CLDN18: variants seen among roughly 807,000 people sequenced by gnomAD.
CLDN18 encodes claudin 18, also known as claudin-18.
A neutral mutation model predicts 25.0 loss-of-function variants in CLDN18; 20 were observed. That is an observed-to-expected ratio of 0.80 (90% CI 0.56 to 1.16). CLDN18 has a LOEUF of 1.16. Ranked by LOEUF, CLDN18 falls within the 50% of genes most tolerant of loss-of-function variation. CLDN18 has a pLI of 0.00. For missense variants in CLDN18, 297 were observed against 345.4 expected (o/e 0.86, Z 1.11); for synonymous variants, 125 against 135.6 (o/e 0.92, Z 0.54).
upstream of CLDN18, among the ~76,000 whole-genome samples, chr3:138,009,273 C>A (rs191383071): frequency 3.0e-4 from 46 of 152,342 alleles, no homozygotes; most frequent in Admixed American, 2.9e-3. Flanking sequence ...GGAGCAGATC[C>A]TAAGCCTCTC....
chr3:137,999,359 G>A (rs1941991216), intron 1 of CLDN18, among the ~76,000 whole-genome samples: 1 of 152,166 alleles, frequency 6.6e-6, no homozygotes, highest in Non-Finnish European at 1.5e-5. Flanking sequence ...ACTCCTATGT[G>A]AGCAATGGCA....
intron 1 of CLDN18, among the ~76,000 whole-genome samples, chr3:138,000,527 G>T (rs1018538454): frequency 6.6e-6 from 1 of 151,496 alleles, no homozygotes; most frequent in African/African-American, 2.5e-5. Context: ...TGAGAGGTTG[G>T]TTGTTTGGTT....
At position 138,023,723 on chromosome 3, in the gene CLDN18, G is replaced by T. The variant is rs1445818415; in HGVS notation, c.286G>T (p.Val96Leu). ...GIVLGAIGLL[V>L]SIFALKCIRI... ...CGTCCTGGGTGCCATTGGCCTCCTGGTATCCATCTTTGCCCTGAAATGCAT... is the reference window on the plus strand; with the variant it reads ...CGTCCTGGGTGCCATTGGCCTCCTGTTATCCATCTTTGCCCTGAAATGCAT... The change falls in exon 2 of 5, where the codon GTA becomes TTA. Residue 96 changes from valine (V) to leucine (L), a missense_variant. Transcript: ENST00000183605. The T allele has an allele frequency of 1.2e-6, 2 of 1,614,056 alleles. 1 individual carries two copies. The highest frequency in any genetic ancestry group is 2.2e-5 in the South Asian group (2 of 91,074).
chr3:138,004,769 A>C (rs1176161680), intron 1 of CLDN18: 1 of 150,976 alleles, frequency 6.6e-6, no homozygotes, highest in Non-Finnish European at 1.5e-5. Context: ...GATTAATTAA[A>C]TATTTAAAAA....
intron 1 of CLDN18, among the ~76,000 whole-genome samples, chr3:138,003,615 T>C (rs942874183): frequency 6.6e-6 from 1 of 151,998 alleles, no homozygotes; most frequent in Non-Finnish European, 1.5e-5. Flanking sequence ...ATGAAAGAAG[T>C]TTTACTAACA....
chr3:138,030,045 C>A, intron 4 of CLDN18, 138 bp downstream of exon 4: 1 of 642,230 alleles, frequency 1.6e-6, no homozygotes, highest in Non-Finnish European at 2.8e-6. Flanking sequence ...CGAAGCTTCT[C>A]TTTTAGGGGG....
chr3:138,027,839 G>A (rs565413986), intron 3 of CLDN18, among the ~76,000 whole-genome samples: 53 of 152,168 alleles, frequency 3.5e-4, no homozygotes, highest in Non-Finnish European at 5.6e-4. Context: ...GAAAAGATCC[G>A]CTGTTCAGCT....
chr3:138,010,496 A>G, intron 1 of CLDN18, 51 bp downstream of exon 1: 1 of 1,605,948 alleles, frequency 6.2e-7, no homozygotes, highest in Non-Finnish European at 8.5e-7. Flanking sequence ...GTGAGCAGGG[A>G]AGGGGGCGTT....
chr3:138,004,694 A>T (rs534967323), intron 1 of CLDN18: 1 of 152,006 alleles, frequency 6.6e-6, no homozygotes, highest in African/African-American at 2.4e-5. Context: ...GAAGTCATTG[A>T]CTAGCTTTTT....
At chr3:138,025,643 T>C (rs1053997541) in intron 3 of CLDN18, among the ~76,000 whole-genome samples, 2 of 152,144 alleles carry the variant, frequency 1.3e-5, no homozygotes, top group Non-Finnish European at 2.9e-5. Context: ...AAGGAAATGA[T>C]CCCCAAAAAC....
chr3:138,010,470 G>A, intron 1 of CLDN18, 25 bp downstream of exon 1: 1 of 1,612,308 alleles, frequency 6.2e-7, no homozygotes, highest in South Asian at 1.1e-5. Context: ...CCCCGGGGTA[G>A]AGCCAGGTGA....
chr3:138,002,821 G>A (rs1190460239), intron 1 of CLDN18, among the ~76,000 whole-genome samples: 1 of 152,134 alleles, frequency 6.6e-6, no homozygotes, highest in Non-Finnish European at 1.5e-5. Context: ...TGGGCTGATT[G>A]GGTTTAGACA....
chr3:138,004,304 G>A (rs1942046027), intron 1 of CLDN18, among the ~76,000 whole-genome samples: 1 of 152,232 alleles, frequency 6.6e-6, no homozygotes, highest in South Asian at 2.1e-4. Context: ...CACTGTGGTA[G>A]TAAATGGCAG....
intron 1 of CLDN18, among the ~76,000 whole-genome samples, chr3:138,016,852 G>A (rs1479168320): frequency 2.6e-5 from 4 of 152,134 alleles, no homozygotes; most frequent in Admixed American, 6.5e-5. Context: ...TCAGGATTTC[G>A]AGACCAGCCT....
intron 3 of CLDN18, among the ~76,000 whole-genome samples, chr3:138,026,570 G>C (rs1942329860): frequency 6.6e-6 from 1 of 152,086 alleles, no homozygotes; most frequent in South Asian, 2.1e-4. Context: ...ACTTGAACCT[G>C]GAAGGCAGAG....
intron 1 of CLDN18, among the ~76,000 whole-genome samples, chr3:138,021,533 GC>G (rs1433450861): frequency 6.6e-6 from 1 of 152,140 alleles, no homozygotes; most frequent in Non-Finnish European, 1.5e-5. Context: ...CCACCAGGAT[GC>G]TAAAGGTGGC....
chr3:138,012,772 T>C (rs1326433739), intron 1 of CLDN18, among the ~76,000 whole-genome samples: 1 of 152,172 alleles, frequency 6.6e-6, no homozygotes, highest in Non-Finnish European at 1.5e-5. Flanking sequence ...GCACCGTAAA[T>C]TCCAGCAGAG....
intron 1 of CLDN18, among the ~76,000 whole-genome samples, chr3:138,020,951 T>C (rs1308793232): frequency 6.6e-6 from 1 of 152,206 alleles, no homozygotes; most frequent in East Asian, 1.9e-4. Context: ...TTTGAGGCAA[T>C]TTTGGATTTG....
At chr3:138,010,021 G>A (rs1287263819), upstream of CLDN18, 11 of 849,774 alleles carry the variant, frequency 1.3e-5, no homozygotes, top group South Asian at 1.8e-5. Flanking sequence ...TGCCTCTTGG[G>A]CCCGCTTCTC....
Sources: allele counts gnomAD v4.1 joint callset (sites outside exome capture counted in the v4.1 genomes callset), GRCh38; gene constraint gnomAD v4.1.1; transcripts MANE v1.5; gene names NCBI Gene and HGNC (gene_info 2026-07-23, HGNC 2026-07-21).